Variants in PIWIL2 observed in about 807,000 individuals in gnomAD.
PIWIL2 encodes piwi like RNA-mediated gene silencing 2.
A neutral mutation model predicts 116.5 loss-of-function variants in PIWIL2; 81 were observed. The ratio of observed to expected loss-of-function variants is 0.70; its 90% CI spans 0.58 to 0.84. PIWIL2 has a LOEUF of 0.84. Among genes scored for constraint, PIWIL2 ranks in the 40% least tolerant of loss-of-function variants. The pLI is 0.00. For synonymous variants in PIWIL2, 489 were observed against 429.5 expected (o/e 1.14, Z -1.71); for missense variants, 1,272 against 1,212.3 (o/e 1.05, Z -0.73).
At chr8:22,343,859 T>C (rs530664254) in intron 20 of PIWIL2, among the ~76,000 whole-genome samples, 2 of 152,316 alleles carry the variant, frequency 1.3e-5, no homozygotes, top group South Asian at 2.1e-4. Context: ...TGCACTTACA[T>C]ACACATACCA....
chr8:22,279,148 A>G (rs2083824560), intron 1 of PIWIL2, among the ~76,000 whole-genome samples, 193 bp from the exon 2 acceptor site: 1 of 152,176 alleles, frequency 6.6e-6, no homozygotes, highest in Admixed American at 6.5e-5. Context: ...GTTGGGGACC[A>G]CTGCTCTGAG....
chr8:22,282,738 G>A (rs913458990), intron 4 of PIWIL2, among the ~76,000 whole-genome samples: 5 of 152,022 alleles, frequency 3.3e-5, no homozygotes, highest in African/African-American at 1.2e-4. Flanking sequence ...CTACAGTTAT[G>A]AGCCACCATA....
chr8:22,303,112 G>T (rs1375219730), intron 10 of PIWIL2, among the ~76,000 whole-genome samples: 3 of 152,224 alleles, frequency 2.0e-5, no homozygotes, highest in Non-Finnish European at 2.9e-5. Context: ...ACCAGATCTA[G>T]GGAAGGAGGG....
intron 20 of PIWIL2, among the ~76,000 whole-genome samples, chr8:22,339,750 G>C (rs1350242470): frequency 6.6e-6 from 1 of 152,200 alleles, no homozygotes; most frequent in Non-Finnish European, 1.5e-5. Flanking sequence ...CTAGTATCCA[G>C]AATATGCAAA....
At chr8:22,282,979 G>A (rs1334730492) in intron 4 of PIWIL2, 55 bp from the exon 5 acceptor site, 2 of 1,316,442 alleles carry the variant, frequency 1.5e-6, no homozygotes, top group Admixed American at 1.7e-5. Flanking sequence ...GAATAATCTG[G>A]ATGGGACATA....
intron 16 of PIWIL2, among the ~76,000 whole-genome samples, chr8:22,312,265 CAAAA>C (rs56133501): frequency 3.8e-5 from 5 of 130,150 alleles, no homozygotes; most frequent in Non-Finnish European, 3.3e-5. Context: ...ACCTTTTCTC[CAAAA>C]AAAAAAAAAA....
intron 20 of PIWIL2, among the ~76,000 whole-genome samples, chr8:22,325,855 A>T (rs1831713040): frequency 6.6e-6 from 1 of 152,142 alleles, no homozygotes; most frequent in Admixed American, 6.6e-5. Context: ...AGTCTGTAGT[A>T]AGTAAGTGTC....
chr8:22,296,088 C>T, intron 10 of PIWIL2, among the ~76,000 whole-genome samples: 1 of 134,842 alleles, frequency 7.4e-6, no homozygotes, highest in Non-Finnish European at 1.6e-5. Flanking sequence ...TGGAGTCTTG[C>T]TCTGTTGCCC....
At position 22,316,285 on chromosome 8, in the gene PIWIL2, C is replaced by G. The variant is rs766717835; in HGVS notation, c.2249C>G (p.Pro750Arg). 1.2e-6 allele frequency: 2 copies of G among 1,613,326 alleles called. No individual in the cohort carries two copies. The highest frequency in any genetic ancestry group is 2.7e-5 in the African/African-American group (2 of 74,862). ...MVIGMDVYHD[P>R]SRGMRSVVGF... ...ATCGGGATGGATGTTTACCATGACC[C>G]CAGTAGAGGCATGCGCTCCGTGGTT... The change falls in exon 19 of 23, where the codon CCC (proline) becomes CGC (arginine). Residue 750 changes from proline to arginine, a missense_variant. By Grantham distance (103) the Pro-to-Arg change is moderately radical (BLOSUM62 -2). Transcript: ENST00000356766.
intron 6 of PIWIL2, among the ~76,000 whole-genome samples, chr8:22,286,433 G>A (rs1169105468): frequency 3.9e-5 from 6 of 152,134 alleles, no homozygotes; most frequent in Non-Finnish European, 7.3e-5. Context: ...CAGAAAAGTG[G>A]GGGAAATTGG....
intron 10 of PIWIL2, among the ~76,000 whole-genome samples, chr8:22,294,836 G>A (rs1473219924): frequency 4.3e-5 from 6 of 138,778 alleles, no homozygotes; most frequent in Non-Finnish European, 6.1e-5. Context: ...CGAGGCAGGC[G>A]GATCACTTGA....
intron 20 of PIWIL2, among the ~76,000 whole-genome samples, chr8:22,348,260 A>G (rs768399388): frequency 1.3e-5 from 2 of 152,176 alleles, no homozygotes; most frequent in Non-Finnish European, 2.9e-5. Flanking sequence ...AGATCACACC[A>G]TTGCACTCTA....
At position 22,296,147 on chromosome 8, in the gene PIWIL2, C is replaced by G. The variant is rs539406823; in HGVS notation, c.1181+5801C>G. Among the ~76,000 whole-genome samples, 38 of 151,220 alleles carry G rather than the reference C, an allele frequency of 2.5e-4. 1 individual carries two copies. In the Middle Eastern group the frequency reaches 0.01, roughly 41 times the overall value. On this transcript the variant is annotated intron_variant, in intron 10 of 22. Transcript: ENST00000356766. ...CTCGGCTCACTGCAACTTCCACCTC[C>G]CAGGTTCAAGCAATTCTCCTGCCTC...
At position 22,281,493 on chromosome 8, in the gene PIWIL2, G is replaced by T; in HGVS notation, c.403G>T (p.Glu135Ter). Residue 135 changes from glutamate (E) to a stop codon, truncating the protein, a stop_gained, in exon 4 of 23, where the codon GAG (glutamate) becomes TAG (stop). Coordinates refer to ENST00000356766, the MANE Select transcript of PIWIL2 (RefSeq NM_018068.5). LOFTEE classifies it high-confidence loss of function. ...VLAAGDSKMA[E>*]TSVGWSRTLG... ...GGCGGCTGGGGACAGCAAGATGGCA[G>T]AGACCTCCGTTGGTTGGAGTAGGTG... 1 of 1,589,822 alleles carries T rather than the reference G, an allele frequency of 6.3e-7. No individual in the cohort carries two copies. Among genetic ancestry groups the T allele is most frequent in the Non-Finnish European group, 8.5e-7 (1 of 1,174,346 alleles).
At chr8:22,284,317 T>TA (rs761139443) in intron 6 of PIWIL2, 45 bp downstream of exon 6, 207 of 970,456 alleles carry the variant, frequency 2.1e-4, no homozygotes, top group Admixed American at 2.8e-4. Flanking sequence ...TAAAGGGCAG[T>TA]AAAAAAAATA....
intron 20 of PIWIL2, among the ~76,000 whole-genome samples, chr8:22,348,857 C>T (rs2132108165): frequency 6.6e-6 from 1 of 152,262 alleles, no homozygotes; most frequent in Admixed American, 6.5e-5. Flanking sequence ...AGAAAATAGA[C>T]TAGATGACCT....
Position 22,350,112 on chromosome 8 carries a change from C to A in PIWIL2, c.2404-2847C>A, listed in dbSNP as rs1196930663. ...GTAGATTCTGCAGTGCACAGGACAG[C>A]CCTCTAGGATGAAGAATTATCTACC... On this transcript the variant is annotated intron_variant, in intron 20 of 22. Transcript: ENST00000356766. Among the ~76,000 whole-genome samples, 3 of 152,142 alleles carry A rather than the reference C, an allele frequency of 2.0e-5. No individual in the cohort carries two copies. In the South Asian group the frequency reaches 6.2e-4, roughly 32 times the overall value.
Position 22,307,985 on chromosome 8 carries a change from A to G in PIWIL2, c.1598A>G (p.Glu533Gly), listed in dbSNP as rs747779373. The G allele has an allele frequency of 6.2e-7, 1 of 1,613,642 alleles. No individual in the cohort carries two copies. Among genetic ancestry groups the G allele is most frequent in the South Asian group, 1.1e-5 (1 of 90,966 alleles). The change falls in exon 14 of 23, where the codon GAA becomes GGA. Residue 533 changes from glutamate to glycine, a missense_variant. Coordinates refer to ENST00000356766, the MANE Select transcript of PIWIL2 (RefSeq NM_018068.5). ...CCCAAGCAACACCATAGTGCTTTGG[A>G]ATGCTTGCTGCAAAGAATTGCAAAG... is the stretch of plus-strand genomic sequence containing the variant. ...LSPKQHHSAL[E>G]CLLQRIAKNE...
At chr8:22,306,693 C>T (rs935210298) in intron 13 of PIWIL2, among the ~76,000 whole-genome samples, 2 of 152,202 alleles carry the variant, frequency 1.3e-5, no homozygotes, top group Non-Finnish European at 1.5e-5. Flanking sequence ...TTTTTGGTAA[C>T]ATCATAAAGA....
Sources: allele counts gnomAD v4.1 joint callset (sites outside exome capture counted in the v4.1 genomes callset), GRCh38; gene constraint gnomAD v4.1.1; transcripts MANE v1.5; gene names NCBI Gene and HGNC (gene_info 2026-07-23, HGNC 2026-07-21).